The following GRXCR1 variants were observed in gnomAD, a reference collection of about 807,000 sequenced individuals.
The protein encoded by GRXCR1 is glutaredoxin domain-containing cysteine-rich protein 1.
GRXCR1 carries 27 observed loss-of-function variants against 27.3 expected under a neutral mutation model. The observed-to-expected ratio is 0.99, with a 90% CI of 0.73 to 1.37. GRXCR1 has a LOEUF of 1.37. GRXCR1 is among the 40% of genes most tolerant of loss of function. GRXCR1 has a pLI of 0.00. For missense variants in GRXCR1, 379 were observed against 354.4 expected (o/e 1.07, Z -0.56); for synonymous variants, 122 against 131.1 (o/e 0.93, Z 0.47).
chr4:42,904,828 G>A (rs1245144470), intron 1 of GRXCR1, among the ~76,000 whole-genome samples: 1 of 152,092 alleles, frequency 6.6e-6, no homozygotes, highest in African/African-American at 2.4e-5. Context: ...TCTTTCTTAT[G>A]AGATACACAA....
intron 1 of GRXCR1, among the ~76,000 whole-genome samples, chr4:42,962,175 G>C (rs1021352016): frequency 1.2e-4 from 18 of 151,898 alleles, no homozygotes; most frequent in African/African-American, 4.1e-4. Context: ...TCTTCATCTT[G>C]TTTTTGAGTG....
At chr4:42,925,179 G>C (rs1055325506) in intron 1 of GRXCR1, among the ~76,000 whole-genome samples, 1 of 151,960 alleles carries the variant, frequency 6.6e-6, no homozygotes, top group Non-Finnish European at 1.5e-5. Context: ...TGATTCTTGG[G>C]TGTAAAGGTT....
rs748585976 is a variant in GRXCR1, at chr4:43,030,602, T to A, written c.*62T>A. On this transcript the variant is annotated 3_prime_UTR_variant, in exon 4 of 4. Transcript: ENST00000399770. ...ATCAAAGGCAATACTTTGGTTTATA[T>A]ATATATTTTTAAATGGTTATGTTTA... 7 of 1,239,756 alleles carry A rather than the reference T, an allele frequency of 5.6e-6. No individual in the cohort carries two copies. Among genetic ancestry groups the A allele is most frequent in the Non-Finnish European group, 8.2e-6 (7 of 848,780 alleles). The allele number at this position is 1,239,756 out of a possible 1,614,324, so 76.8% of individuals were successfully genotyped here.
In GRXCR1 at chr4:42,962,941, G is replaced by A. The variant is rs968317895; in HGVS notation, c.434G>A (p.Cys145Tyr). 11 of 1,612,558 alleles carry A rather than the reference G, an allele frequency of 6.8e-6. No individual in the cohort carries two copies. Among genetic ancestry groups the A allele is most frequent in the Non-Finnish European group, 9.3e-6 (11 of 1,179,004 alleles). ...EFDRVVIYTTCLRVVRTTFER... is the reference protein window; with the variant it reads ...EFDRVVIYTTYLRVVRTTFER... ...GACCGTGTAGTGATTTATACCACCT[G>A]CCTTCGTGTGGTCCGGACAACCTTT... The change falls in exon 2 of 4, where the codon TGC becomes TAC. Residue 145 changes from cysteine (C) to tyrosine (Y), a missense_variant. By Grantham distance (194) the Cys-to-Tyr change is radical. Transcript: ENST00000399770.
At chr4:42,962,376 C>T (rs1310463021) in intron 1 of GRXCR1, among the ~76,000 whole-genome samples, 1 of 151,958 alleles carries the variant, frequency 6.6e-6, no homozygotes, top group South Asian at 2.1e-4. Flanking sequence ...GCACATATGT[C>T]ATGCTACTTA....
At chr4:42,966,621 C>T (rs755837657) in intron 2 of GRXCR1, among the ~76,000 whole-genome samples, 2 of 152,016 alleles carry the variant, frequency 1.3e-5, no homozygotes, top group Non-Finnish European at 2.9e-5. Context: ...GAAGCTTCTG[C>T]CATAGTCAAG....
intron 1 of GRXCR1, among the ~76,000 whole-genome samples, chr4:42,928,789 C>T (rs1019731781): frequency 2.6e-5 from 4 of 151,814 alleles, no homozygotes; most frequent in Admixed American, 2.6e-4. Flanking sequence ...TAGGGGTGGT[C>T]CCTAGTTGTC....
chr4:43,012,083 G>C (rs1712768247), intron 2 of GRXCR1, among the ~76,000 whole-genome samples: 1 of 151,998 alleles, frequency 6.6e-6, no homozygotes. Flanking sequence ...TTTTCCTGCT[G>C]AGTGATTAAA....
At chr4:42,932,619 T>TATAG (rs1249820617) in intron 1 of GRXCR1, among the ~76,000 whole-genome samples, 5 of 22,918 alleles carry the variant, frequency 2.2e-4, no homozygotes, top group Admixed American at 7.0e-4. Context: ...TATATATATA[T>TATAG]AGAGAGAGAG....
At chr4:42,956,150 T>C (rs1336671573) in intron 1 of GRXCR1, among the ~76,000 whole-genome samples, 1 of 152,114 alleles carries the variant, frequency 6.6e-6, no homozygotes, top group Non-Finnish European at 1.5e-5. Flanking sequence ...CACATCTGCA[T>C]GTGCTGCAGG....
chr4:43,010,704 C>T (rs1712721894), intron 2 of GRXCR1, among the ~76,000 whole-genome samples: 2 of 151,470 alleles, frequency 1.3e-5, no homozygotes, highest in Non-Finnish European at 2.9e-5. Context: ...TAAGAGATCA[C>T]GTAAAAAAGT....
In GRXCR1 at chr4:42,912,454, A is replaced by AAACAACCAT. The variant is rs562709890; in HGVS notation, c.384+18805_384+18813dup. On this transcript the variant is annotated intron_variant, in intron 1 of 3. Coordinates refer to ENST00000399770, the MANE Select transcript of GRXCR1 (RefSeq NM_001080476.3). ...TGAACTTGAACCCTTTATGGAAGTA[A>AAACAACCAT]AACAACCATGGGAGGAAGTCAATGC... Among the ~76,000 whole-genome samples the AAACAACCAT allele has an allele frequency of 9.8e-5, 15 of 152,308 alleles. No homozygotes were observed. In the East Asian group the frequency reaches 2.9e-3, roughly 29 times the overall value.
At chr4:42,971,188 A>G (rs1028254125) in intron 2 of GRXCR1, among the ~76,000 whole-genome samples, 1 of 152,128 alleles carries the variant, frequency 6.6e-6, no homozygotes, top group Non-Finnish European at 1.5e-5. Context: ...TATCACTATC[A>G]ACATTTTGGT....
chr4:43,005,200 C>A (rs774347232), intron 2 of GRXCR1, among the ~76,000 whole-genome samples: 5 of 152,200 alleles, frequency 3.3e-5, no homozygotes, highest in Non-Finnish European at 5.9e-5. Flanking sequence ...TTCCCCTTCA[C>A]CTTCTGCCAT....
intron 2 of GRXCR1, among the ~76,000 whole-genome samples, chr4:42,982,979 C>A (rs895456189): frequency 4.0e-5 from 6 of 151,758 alleles, no homozygotes; most frequent in African/African-American, 7.3e-5. Flanking sequence ...GAGTAGGTTG[C>A]GAAAATTTTC....
chr4:42,988,862 A>T (rs1711866396), intron 2 of GRXCR1, among the ~76,000 whole-genome samples: 1 of 152,238 alleles, frequency 6.6e-6, no homozygotes, highest in Non-Finnish European at 1.5e-5. Context: ...GAGGATAAGA[A>T]GATCAATAAG....
At chr4:42,994,486 G>A (rs1054313559) in intron 2 of GRXCR1, among the ~76,000 whole-genome samples, 1 of 152,130 alleles carries the variant, frequency 6.6e-6, no homozygotes, top group Non-Finnish European at 1.5e-5. Context: ...ACAGGAAGTT[G>A]TACAAGTTAG....
chr4:42,932,577 CATATATATATATATAT>C (rs3072802), intron 1 of GRXCR1, among the ~76,000 whole-genome samples: 90 of 28,660 alleles, frequency 3.1e-3, no homozygotes, highest in African/African-American at 5.8e-3. Context: ...AACTCCCTTC[CATATATATATATATAT>C]ATATATATAT....
intron 1 of GRXCR1, among the ~76,000 whole-genome samples, chr4:42,922,277 C>A (rs1747033253): frequency 6.6e-6 from 1 of 152,080 alleles, no homozygotes. Context: ...CTGTCTGTGG[C>A]CCAAGGCCTT....
Sources: gnomAD v4.1 joint callset for allele counts (sites outside exome capture counted in the v4.1 genomes callset) on GRCh38, gnomAD v4.1.1 for gene constraint, MANE v1.5 for transcripts, NCBI Gene and HGNC (gene_info 2026-07-23, HGNC 2026-07-21) for gene names.